The following TMEM39A variants were observed in gnomAD, a reference collection of about 807,000 sequenced individuals.
The protein encoded by TMEM39A is transmembrane protein 39A.
TMEM39A carries 19 observed loss-of-function variants against 51.9 expected under a neutral mutation model. The observed-to-expected ratio is 0.37, with a 90% CI of 0.26 to 0.54. TMEM39A has a LOEUF of 0.54. TMEM39A is among the 20% of genes least tolerant of loss of function. The pLI is 0.88. For missense variants in TMEM39A, 433 were observed against 590.5 expected (o/e 0.73, Z 2.76); for synonymous variants, 197 against 220.2 (o/e 0.89, Z 0.93).
At chr3:119,434,025 A>G (rs1261980904) in intron 8 of TMEM39A, among the ~76,000 whole-genome samples, 5 of 152,226 alleles carry the variant, frequency 3.3e-5, no homozygotes, top group African/African-American at 9.6e-5. Flanking sequence ...CTTGTTTAGA[A>G]TATGATCCCC....
intron 2 of TMEM39A, among the ~76,000 whole-genome samples, chr3:119,459,236 G>A (rs1317668341): frequency 6.6e-6 from 1 of 152,170 alleles, no homozygotes; most frequent in Admixed American, 6.5e-5. Context: ...GGCTCACTGT[G>A]CCTAAACTGT....
intron 7 of TMEM39A, chr3:119,435,641 A>G (rs1275645533): frequency 1.0e-5 from 10 of 984,414 alleles, no homozygotes; most frequent in Non-Finnish European, 1.2e-5. Context: ...TTAGTTTCCT[A>G]GGATAAGAAC....
intron 7 of TMEM39A, 51 bp from the exon 8 acceptor site, chr3:119,434,933 T>G: frequency 6.3e-7 from 1 of 1,591,184 alleles, no homozygotes; most frequent in Non-Finnish European, 8.6e-7. Flanking sequence ...ACAGATAAGA[T>G]AGCATCTGGC....
At position 119,439,174 on chromosome 3, in the gene TMEM39A, T is replaced by G. The variant is rs529071853; in HGVS notation, c.576-1071A>C. On this transcript the variant is annotated intron_variant, in intron 5 of 8. Transcript: ENST00000319172. ...TATTCCAACTGTTGGTTCCTTAAAA[T>G]TTGTTTAAATACTTCAAGTCCTCAT... Among the ~76,000 whole-genome samples, 6 of 152,370 alleles carry G rather than the reference T, an allele frequency of 3.9e-5. No individual in the cohort carries two copies. In the South Asian group the frequency reaches 8.3e-4, roughly 21 times the overall value.
At chr3:119,450,322 G>C (rs1045577803) in intron 4 of TMEM39A, among the ~76,000 whole-genome samples, 1 of 152,158 alleles carries the variant, frequency 6.6e-6, no homozygotes. Context: ...TTTAAACACT[G>C]TTCTGCACCT....
chr3:119,443,783 G>A (rs938718665), intron 5 of TMEM39A, among the ~76,000 whole-genome samples: 10 of 152,012 alleles, frequency 6.6e-5, no homozygotes, highest in Admixed American at 6.6e-4. Flanking sequence ...CAGGCATGGT[G>A]GCACACGGCT....
chr3:119,444,691 G>C (rs896340617), intron 5 of TMEM39A, among the ~76,000 whole-genome samples: 5 of 152,172 alleles, frequency 3.3e-5, no homozygotes, highest in Admixed American at 2.0e-4. Flanking sequence ...TTGAGGGCTT[G>C]TTAAAACACA....
chr3:119,437,618 A>C (rs1031830541), intron 6 of TMEM39A, 137 bp downstream of exon 6: 2 of 618,772 alleles, frequency 3.2e-6, no homozygotes, highest in East Asian at 5.6e-5. Context: ...GTATTAGTGC[A>C]CTCCAGATGC....
chr3:119,461,939 A>T (rs2081344541), intron 2 of TMEM39A, 23 bp downstream of exon 2: 1 of 1,568,692 alleles, frequency 6.4e-7, no homozygotes, highest in Non-Finnish European at 8.8e-7. Context: ...TTAAAATTAT[A>T]TATAGCCTTA....
intron 3 of TMEM39A, 83 bp from the exon 4 acceptor site, chr3:119,452,613 C>A: frequency 1.9e-6 from 2 of 1,064,284 alleles, no homozygotes; most frequent in Non-Finnish European, 2.8e-6. Context: ...AGGTTTATCC[C>A]TCAAAAGATC....
chr3:119,458,309 T>C, intron 2 of TMEM39A, 69 bp from the exon 3 acceptor site: 1 of 1,340,468 alleles, frequency 7.5e-7, no homozygotes, highest in South Asian at 1.2e-5. Flanking sequence ...AAAGGGCTCC[T>C]GCTGTCTCCT....
At chr3:119,451,143 TA>T in intron 4 of TMEM39A, 1 of 789,106 alleles carries the variant, frequency 1.3e-6, no homozygotes, top group Non-Finnish European at 1.6e-6. Flanking sequence ...ATCCTCTAAA[TA>T]AAAACTCTGA....
intron 5 of TMEM39A, among the ~76,000 whole-genome samples, chr3:119,438,391 C>T (rs1688067179): frequency 6.6e-6 from 1 of 152,188 alleles, no homozygotes; most frequent in South Asian, 2.1e-4. Flanking sequence ...ACTAGATGCA[C>T]ATATTTCCAA....
At chr3:119,442,780 C>CTAGG (rs2081072314) in intron 5 of TMEM39A, among the ~76,000 whole-genome samples, 1 of 152,176 alleles carries the variant, frequency 6.6e-6, no homozygotes. Flanking sequence ...GGAGCCTGGA[C>CTAGG]TAGGTGCAGT....
Position 119,452,374 on chromosome 3 carries a change from C to T in TMEM39A, c.420+73G>A, listed in dbSNP as rs930380710. ...TGTTTCATTAAATGGGGACACGTCA[C>T]GTTTTTAACCTGCACCCATTCTAGT... On this transcript the variant is annotated intron_variant, in intron 4 of 8. Transcript: ENST00000319172. The T allele has an allele frequency of 2.8e-5, 32 of 1,125,978 alleles. No homozygotes were observed. The African/African-American group carries it at 3.4e-4, about 12-fold the overall frequency. 69.7% of individuals were successfully genotyped at this position (1,125,978 alleles called of 1,614,324 possible).
intron 2 of TMEM39A, among the ~76,000 whole-genome samples, chr3:119,461,495 G>T (rs1305650374): frequency 6.6e-6 from 1 of 152,146 alleles, no homozygotes; most frequent in Non-Finnish European, 1.5e-5. Flanking sequence ...GTATCTCTTT[G>T]AACTGCTACA....
In TMEM39A at chr3:119,458,145, T is replaced by C. The variant is rs2081290385; in HGVS notation, c.209A>G (p.Asp70Gly). ...RHCQIPDLPV[D>G]GSLLFEFLFF... Reference sequence around the variant, plus strand: ...AAGGAATTCAAAGAGTAGGCTCCCATCCACAGGCAAGTCAGGAATTTGGCA... The same window carrying C: ...AAGGAATTCAAAGAGTAGGCTCCCACCCACAGGCAAGTCAGGAATTTGGCA... Residue 70 changes from aspartate to glycine, a missense_variant, in exon 3 of 9, where the codon GAT becomes GGT. Transcript: ENST00000319172. 1 of 1,614,028 alleles carries C rather than the reference T, an allele frequency of 6.2e-7. No individual in the cohort carries two copies. Among genetic ancestry groups the C allele is most frequent in the African/African-American group, 1.3e-5 (1 of 74,918 alleles).
At position 119,458,180 on chromosome 3, in the gene TMEM39A, A is replaced by T; in HGVS notation, c.174T>A (p.Pro58=). 1 of 1,614,214 alleles carries T rather than the reference A, an allele frequency of 6.2e-7. No individual in the cohort carries two copies. Among genetic ancestry groups the T allele is most frequent in the Non-Finnish European group, 8.5e-7 (1 of 1,180,032 alleles). The change falls in exon 3 of 9, where the codon CCT becomes CCA. Residue 58 remains proline (P), a synonymous_variant. Transcript: ENST00000319172. ...AGTCAGGAATTTGGCAATGACGAACAGGACCTGGGGTGATTAAGGCTGTGA... is the reference window on the plus strand; with the variant it reads ...AGTCAGGAATTTGGCAATGACGAACTGGACCTGGGGTGATTAAGGCTGTGA... ...PPITALITPG[P]VRHCQIPDLP...
In TMEM39A at chr3:119,430,516, C is replaced by G. The variant is rs530255797; in HGVS notation, c.*1465G>C. ...GGACCTTTGCATTTCTCATTCACTGCTATATCCCCAGGGCCTAATATAGTG... is the reference window on the plus strand; with the variant it reads ...GGACCTTTGCATTTCTCATTCACTGGTATATCCCCAGGGCCTAATATAGTG... On this transcript the variant is annotated 3_prime_UTR_variant, in exon 9 of 9. Coordinates refer to ENST00000319172, the MANE Select transcript of TMEM39A (RefSeq NM_018266.3). 6.6e-6 allele frequency: 1 copy of G among 152,034 alleles called. No individual in the cohort carries two copies. Among genetic ancestry groups the G allele is most frequent in the East Asian group, 1.9e-4 (1 of 5,194 alleles). 9.4% of individuals were successfully genotyped at this position (152,034 alleles called of 1,614,324 possible). A position where few individuals can be genotyped will look rare whatever the true frequency, so the allele number is the denominator to read the frequency against.
Sources: gnomAD v4.1 joint callset for allele counts (sites outside exome capture counted in the v4.1 genomes callset) on GRCh38, gnomAD v4.1.1 for gene constraint, MANE v1.5 for transcripts, NCBI Gene and HGNC (gene_info 2026-07-23, HGNC 2026-07-21) for gene names.